Variants in TENM3 observed in about 807,000 individuals in gnomAD.
The protein encoded by TENM3 is teneurin-3.
Under a neutral mutation model 255.1 loss-of-function variants are expected in TENM3, and 63 were observed. That is an observed-to-expected ratio of 0.25 (90% CI 0.20 to 0.30). The LOEUF (loss-of-function observed/expected upper bound fraction) is 0.30. Ranked by LOEUF, TENM3 falls within the 10% of genes least tolerant of loss-of-function variation. The probability of loss-of-function intolerance (pLI) is 1.00; values close to 1 mark genes in which losing one functional copy is unlikely to be tolerated. For synonymous variants in TENM3, 1,306 were observed against 1,322.3 expected (o/e 0.99, Z 0.27); for missense variants, 2,929 against 3,461.1 (o/e 0.85, Z 3.86).
At chr4:182,503,778 A>G (rs1736548254) in intron 3 of TENM3, among the ~76,000 whole-genome samples, 1 of 152,150 alleles carries the variant, frequency 6.6e-6, no homozygotes, top group Admixed American at 6.6e-5. Context: ...TGCATGGGAA[A>G]TATGATGAGG....
the TENM3 span, among the ~76,000 whole-genome samples, chr4:181,580,061 G>A: frequency 1.3e-5 from 2 of 151,270 alleles, no homozygotes; most frequent in African/African-American, 2.4e-5. Flanking sequence ...GCAGTGGCGC[G>A]ATCTCAACTC....
chr4:182,381,762 T>C lies in TENM3; in HGVS notation c.511+34833T>C, dbSNP rs550727805. Among the ~76,000 whole-genome samples the C allele has an allele frequency of 4.6e-5, 7 of 152,270 alleles. No individual in the cohort carries two copies. The East Asian group carries it at 7.7e-4, about 17-fold the overall frequency. On this transcript the variant is annotated intron_variant, in intron 3 of 27. Transcript: ENST00000511685. ...TTTTAGTAGAAACAGTGTTTCTACA[T>C]GTTGGTCAGGCTGGTCTCGAACTCC...
the TENM3 span, among the ~76,000 whole-genome samples, chr4:181,717,701 A>T: frequency 6.6e-6 from 1 of 152,172 alleles, no homozygotes; most frequent in African/African-American, 2.4e-5. Context: ...TATTGTGATA[A>T]ATCTCTTGTG....
chr4:181,722,290 G>C, the TENM3 span, among the ~76,000 whole-genome samples: 3 of 152,178 alleles, frequency 2.0e-5, no homozygotes, highest in African/African-American at 7.2e-5. Context: ...CACATAGTAA[G>C]CACTCAATAA....
At chr4:182,683,233 G>A (rs763676699) in intron 11 of TENM3, among the ~76,000 whole-genome samples, 24 of 152,260 alleles carry the variant, frequency 1.6e-4, no homozygotes, top group Non-Finnish European at 3.1e-4. Context: ...CAAAGATGCT[G>A]TGGGAATTAC....
the TENM3 span, among the ~76,000 whole-genome samples, chr4:181,739,500 T>A: frequency 6.6e-6 from 1 of 152,196 alleles, no homozygotes; most frequent in Non-Finnish European, 1.5e-5. Flanking sequence ...GAAAAATGGC[T>A]CTGCTGAGAT....
chr4:182,464,343 G>A (rs375056807), intron 3 of TENM3, among the ~76,000 whole-genome samples: 5 of 152,026 alleles, frequency 3.3e-5, no homozygotes, highest in South Asian at 2.1e-4. Context: ...TGCAACCTCC[G>A]CCTCCCGGGT....
chr4:182,794,810 T>G (rs564197009), intron 26 of TENM3, among the ~76,000 whole-genome samples: 113 of 152,348 alleles, frequency 7.4e-4, no homozygotes, highest in African/African-American at 2.7e-3. Flanking sequence ...TTCCCTTTAG[T>G]GAGCTGACTT....
the TENM3 span, among the ~76,000 whole-genome samples, chr4:181,925,880 A>G: frequency 6.6e-6 from 1 of 152,310 alleles, no homozygotes; most frequent in Non-Finnish European, 1.5e-5. Flanking sequence ...AATAGTGAAA[A>G]TTTCAATCTA....
intron 3 of TENM3, among the ~76,000 whole-genome samples, chr4:182,543,449 G>A (rs1243377294): frequency 1.3e-5 from 2 of 152,182 alleles, no homozygotes; most frequent in Non-Finnish European, 2.9e-5. Context: ...TGTATTACCA[G>A]TTGTTGGTGT....
the TENM3 span, among the ~76,000 whole-genome samples, chr4:181,810,855 T>C: frequency 6.6e-6 from 1 of 151,840 alleles, no homozygotes; most frequent in Non-Finnish European, 1.5e-5. Context: ...AGCGTTCCAG[T>C]GTGGTTGGAT....
At chr4:182,349,053 G>C (rs1200495302) in intron 3 of TENM3, among the ~76,000 whole-genome samples, 1 of 152,208 alleles carries the variant, frequency 6.6e-6, no homozygotes. Context: ...GAGACAGGGA[G>C]AGTGTCAAGG....
At chr4:182,320,967 A>G (rs1324393190) in intron 1 of TENM3, among the ~76,000 whole-genome samples, 1 of 152,260 alleles carries the variant, frequency 6.6e-6, no homozygotes, top group Non-Finnish European at 1.5e-5. Context: ...ATGTGTATAT[A>G]TAGCAACACT....
intron 16 of TENM3, among the ~76,000 whole-genome samples, chr4:182,735,981 A>G (rs1023680197): frequency 2.0e-5 from 3 of 152,184 alleles, no homozygotes; most frequent in Non-Finnish European, 4.4e-5. Flanking sequence ...TCATTTTTAC[A>G]GTCCAGTTTC....
chr4:181,553,408 G>C, the TENM3 span, among the ~76,000 whole-genome samples: 12 of 151,596 alleles, frequency 7.9e-5, no homozygotes, highest in African/African-American at 2.7e-4. Flanking sequence ...CTGGGCCTTG[G>C]CAATTCAATG....
intron 13 of TENM3, among the ~76,000 whole-genome samples, chr4:182,717,044 A>AAAAGAAGAG (rs1759250549): frequency 9.2e-6 from 1 of 108,318 alleles, no homozygotes; most frequent in African/African-American, 3.3e-5. Flanking sequence ...GAAGTTGCGT[A>AAAAGAAGAG]CCATTCCCGG....
chr4:181,811,767 T>A, the TENM3 span, among the ~76,000 whole-genome samples: 291 of 152,278 alleles, frequency 1.9e-3, 2 homozygotes, highest in African/African-American at 5.8e-3. Context: ...CCCACGTGAT[T>A]CAATTACCTC....
At chr4:182,675,405 G>A (rs1755587951) in intron 7 of TENM3, among the ~76,000 whole-genome samples, 1 of 152,004 alleles carries the variant, frequency 6.6e-6, no homozygotes. Context: ...GCCGAACGTG[G>A]TAGCGCACAC....
At chr4:181,616,281 CAA>C in the TENM3 span, among the ~76,000 whole-genome samples, 17,001 of 84,022 alleles carry the variant, frequency 0.2, 1,227 homozygotes, top group East Asian at 0.31. Context: ...TAAAGGTTTC[CAA>C]AAAAAAAAAA....
Sources: allele counts gnomAD v4.1 joint callset (sites outside exome capture counted in the v4.1 genomes callset), GRCh38; gene constraint gnomAD v4.1.1; transcripts MANE v1.5; gene names NCBI Gene and HGNC (gene_info 2026-07-23, HGNC 2026-07-21).